The following ESRRB variants were observed in gnomAD, a reference collection of about 807,000 sequenced individuals.
The protein encoded by ESRRB is estrogen related receptor beta.
ESRRB carries 16 observed loss-of-function variants against 46.0 expected under a neutral mutation model. The ratio of observed to expected loss-of-function variants is 0.35; its 90% confidence interval spans 0.24 to 0.53. The LOEUF (loss-of-function observed/expected upper bound fraction) is 0.53. ESRRB is among the 20% of genes least tolerant of loss of function. The pLI is 0.93. For synonymous variants in ESRRB, 246 were observed against 259.6 expected (o/e 0.95, Z 0.50); for missense variants, 488 against 607.4 (o/e 0.80, Z 2.07).
chr14:76,489,957 T>C (rs925920518), intron 5 of ESRRB, among the ~76,000 whole-genome samples: 2 of 152,248 alleles, frequency 1.3e-5, no homozygotes, highest in African/African-American at 4.8e-5. Context: ...CCCTAGCATG[T>C]TGAGTGCTGA....
intron 1 of ESRRB, among the ~76,000 whole-genome samples, chr14:76,317,310 CTGTGTGTGTGTGTGTGTGTG>C (rs4024313): frequency 1.5e-4 from 20 of 134,440 alleles, no homozygotes; most frequent in African/African-American, 3.4e-4. Flanking sequence ...TGATTAGGCT[CTGTGTGTGTGTGTGTGTGTG>C]TGTGTGTGTG....
intron 6 of ESRRB, among the ~76,000 whole-genome samples, chr14:76,493,540 T>C (rs1890308271): frequency 6.6e-6 from 1 of 152,174 alleles, no homozygotes; most frequent in South Asian, 2.1e-4. Context: ...TCAATAAATA[T>C]TAATTATTAT....
At chr14:76,354,223 C>G (rs1595052875) in intron 1 of ESRRB, among the ~76,000 whole-genome samples, 1 of 71,984 alleles carries the variant, frequency 1.4e-5, no homozygotes, top group African/African-American at 9.6e-5. Flanking sequence ...GTCCTCTACC[C>G]GCCCCCCCCC....
chr14:76,496,393 C>T (rs955856640), intron 6 of ESRRB, among the ~76,000 whole-genome samples: 5 of 93,884 alleles, frequency 5.3e-5, no homozygotes, highest in Admixed American at 2.9e-4. Flanking sequence ...AGAGACGGTT[C>T]GGTAGGATGG....
At chr14:76,420,564 T>TGTGTGA (rs201153384) in intron 1 of ESRRB, among the ~76,000 whole-genome samples, 5,581 of 144,766 alleles carry the variant, frequency 0.039, 206 homozygotes, top group East Asian at 0.2. Flanking sequence ...TGTGAGTGTG[T>TGTGTGA]GTGTGTGTGT....
chr14:76,418,208 A>G (rs2007273), intron 1 of ESRRB, among the ~76,000 whole-genome samples: 74,163 of 151,692 alleles, frequency 0.49, 21,114 homozygotes, highest in African/African-American at 0.79. Flanking sequence ...ACCCACCTCA[A>G]CCTCCCAAAG....
chr14:76,459,476 A>G (rs56805485), intron 2 of ESRRB, among the ~76,000 whole-genome samples: 13,556 of 149,870 alleles, frequency 0.09, 688 homozygotes, highest in African/African-American at 0.14. Flanking sequence ...AGGCCTGGCG[A>G]CCTAGGAGAC....
chr14:76,342,410 C>T (rs1160190553), intron 1 of ESRRB, among the ~76,000 whole-genome samples: 1 of 152,180 alleles, frequency 6.6e-6, no homozygotes, highest in Non-Finnish European at 1.5e-5. Flanking sequence ...GTAGGCAAAG[C>T]CCACTGAGCC....
intron 2 of ESRRB, among the ~76,000 whole-genome samples, chr14:76,461,917 G>C (rs1888878920): frequency 6.6e-6 from 1 of 152,236 alleles, no homozygotes; most frequent in Non-Finnish European, 1.5e-5. Flanking sequence ...GCATTGAATA[G>C]TGTTTAAAGC....
intron 1 of ESRRB, among the ~76,000 whole-genome samples, chr14:76,397,811 G>A (rs1032276909): frequency 6.6e-6 from 1 of 152,166 alleles, no homozygotes; most frequent in Admixed American, 6.5e-5. Context: ...GAATAACCTC[G>A]AGGTTTGATA....
intron 1 of ESRRB, among the ~76,000 whole-genome samples, chr14:76,435,340 G>A (rs565614657): frequency 1.4e-4 from 21 of 152,360 alleles, no homozygotes; most frequent in Non-Finnish European, 1.9e-4. Context: ...CATGGCACCC[G>A]CGGGGCCCTT....
chr14:76,453,772 G>A (rs1010297040), intron 2 of ESRRB, among the ~76,000 whole-genome samples: 6 of 151,634 alleles, frequency 4.0e-5, no homozygotes, highest in African/African-American at 1.2e-4. Context: ...CACCACACTC[G>A]GCTAATTTTT....
intron 1 of ESRRB, among the ~76,000 whole-genome samples, chr14:76,361,661 T>C (rs1272456684): frequency 1.3e-5 from 2 of 152,190 alleles, no homozygotes; most frequent in African/African-American, 2.4e-5. Context: ...GGGTGTTCTT[T>C]TGAACTGTGA....
chr14:76,405,945 A>G (rs1886168255), intron 1 of ESRRB, among the ~76,000 whole-genome samples: 1 of 152,198 alleles, frequency 6.6e-6, no homozygotes. Context: ...AATCTAACCT[A>G]TAAATTATTT....
chr14:76,381,280 G>A (rs1318799789), intron 1 of ESRRB, among the ~76,000 whole-genome samples: 1 of 152,124 alleles, frequency 6.6e-6, no homozygotes, highest in Non-Finnish European at 1.5e-5. Context: ...CAACTTCTCT[G>A]CACTTCACGG....
chr14:76,418,153 C>A (rs190938654), intron 1 of ESRRB, among the ~76,000 whole-genome samples: 16 of 152,080 alleles, frequency 1.1e-4, no homozygotes, highest in African/African-American at 3.9e-4. Flanking sequence ...CAGGGTTTCA[C>A]CATGTTTGTC....
At chr14:76,465,788 C>G (rs746687629) in intron 3 of ESRRB, among the ~76,000 whole-genome samples, 66 of 152,228 alleles carry the variant, frequency 4.3e-4, no homozygotes, top group Non-Finnish European at 8.2e-4. Context: ...TCCCCCACTC[C>G]CCGCCAGTGC....
intron 1 of ESRRB, among the ~76,000 whole-genome samples, chr14:76,428,648 G>A (rs1449867291): frequency 6.6e-6 from 1 of 152,158 alleles, no homozygotes; most frequent in Non-Finnish European, 1.5e-5. Flanking sequence ...GCTCATGTGT[G>A]CTGGGCTTGG....
intron 1 of ESRRB, among the ~76,000 whole-genome samples, chr14:76,315,791 G>A (rs1025598648): frequency 1.3e-5 from 2 of 152,184 alleles, no homozygotes; most frequent in African/African-American, 4.8e-5. Context: ...GCTATTCCAT[G>A]AGGAAGCCCT....
Sources: allele counts gnomAD v4.1 joint callset (sites outside exome capture counted in the v4.1 genomes callset), GRCh38; gene constraint gnomAD v4.1.1; transcripts MANE v1.5; gene names NCBI Gene and HGNC (gene_info 2026-07-23, HGNC 2026-07-21).